The following SYNJ2 variants were observed in gnomAD, a reference collection of about 807,000 sequenced individuals.
SYNJ2 encodes the protein polyphosphatidylinositol phosphatase SYNJ2.
SYNJ2 carries 116 observed loss-of-function variants against 141.3 expected under a neutral mutation model. The observed-to-expected ratio is 0.82, with a 90% confidence interval of 0.71 to 0.96. The LOEUF (loss-of-function observed/expected upper bound fraction) is 0.96, where lower values mean the gene tolerates loss of function less well. Among genes scored for constraint, SYNJ2 ranks in the 40% least tolerant of loss-of-function variants. The pLI, the probability that SYNJ2 is intolerant of heterozygous loss-of-function variation, is 0.00. For missense variants in SYNJ2, 1,873 were observed against 1,934.8 expected (o/e 0.97, Z 0.60); for synonymous variants, 745 against 777.7 (o/e 0.96, Z 0.70).
chr6:158,060,448 C>G (rs370704959), intron 7 of SYNJ2, among the ~76,000 whole-genome samples: 2 of 152,200 alleles, frequency 1.3e-5, no homozygotes, highest in Non-Finnish European at 2.9e-5. Flanking sequence ...AAAACTCTCT[C>G]GTTGTTTAAA....
In SYNJ2 at chr6:158,070,432, G is replaced by A; in HGVS notation, c.1940+759G>A. 1 of 985,482 alleles carries A rather than the reference G, an allele frequency of 1.0e-6. No homozygotes were observed. Among genetic ancestry groups the A allele is most frequent in the Non-Finnish European group, 1.2e-6 (1 of 829,986 alleles). 61.0% of individuals were successfully genotyped at this position (985,482 alleles called of 1,614,324 possible). The stretch of plus-strand genomic sequence containing the variant: ...CCATAATCCTCTTCTCTGACTTTCA[G>A]AAGATGTTTAGGTCCCTGTCCCTCT... On this transcript the variant is annotated intron_variant, in intron 14 of 26. Transcript: ENST00000355585. This position sits in a 1 kb window ranked among gnomAD's most constrained non-coding sequence, Gnocchi z 4.0.
chr6:158,067,425 A>G lies in SYNJ2; in HGVS notation c.1717+790A>G, dbSNP rs147220864. 239 of 984,414 alleles carry G rather than the reference A, an allele frequency of 2.4e-4. No homozygotes were observed. The African/African-American group carries it at 4.0e-3, about 17-fold the overall frequency. The allele number at this position is 984,414 out of a possible 1,614,324, so 61.0% of individuals were successfully genotyped here. On this transcript the variant is annotated intron_variant, in intron 12 of 26. Transcript: ENST00000355585. Reference sequence around the variant, plus strand: ...TCACAAAATAATTCATGTGCTATTTAGGAATAAAATAATTCCAAATGTTGA... The same window carrying G: ...TCACAAAATAATTCATGTGCTATTTGGGAATAAAATAATTCCAAATGTTGA...
Position 158,071,503 on chromosome 6 carries a change from C to G in SYNJ2, c.1941-99C>G. ...GCTGATGATTTTGGAGCACTCAGAG[C>G]AGCAGGTCCCGAGCTGCTGCTGGGC... On this transcript the variant is annotated intron_variant, in intron 14 of 26. Coordinates refer to ENST00000355585, the MANE Select transcript of SYNJ2 (RefSeq NM_003898.4). This position sits in a 1 kb window ranked among gnomAD's most constrained non-coding sequence, Gnocchi z 4.3. The G allele has an allele frequency of 7.2e-7, 1 of 1,379,522 alleles. No homozygotes were observed. Among genetic ancestry groups the G allele is most frequent in the Non-Finnish European group, 9.9e-7 (1 of 1,013,958 alleles). The allele number at this position is 1,379,522 out of a possible 1,614,324, so 85.5% of individuals were successfully genotyped here.
chr6:158,001,161 TTGTGTTGCTGAA>T (rs1209014396), intron 1 of SYNJ2: 4 of 152,412 alleles, frequency 2.6e-5, no homozygotes, highest in Non-Finnish European at 4.4e-5. Flanking sequence ...CTGCATGCAC[TTGTGTTGCTGAA>T]TGTGGCCGGA....
intron 7 of SYNJ2, among the ~76,000 whole-genome samples, chr6:158,061,425 T>A (rs554886428): frequency 6.6e-6 from 1 of 152,204 alleles, no homozygotes; most frequent in Non-Finnish European, 1.5e-5. Context: ...CTGCTTCCCA[T>A]CTCTCCCCAC....
At chr6:158,036,217 C>T (rs191131113) in intron 4 of SYNJ2, among the ~76,000 whole-genome samples, 1 of 152,164 alleles carries the variant, frequency 6.6e-6, no homozygotes, top group African/African-American at 2.4e-5. Context: ...GTTAAAAAGT[C>T]GAAAAATAAC....
intron 22 of SYNJ2, among the ~76,000 whole-genome samples, chr6:158,085,586 T>A (rs1782982129): frequency 1.3e-5 from 2 of 152,228 alleles, no homozygotes; most frequent in Non-Finnish European, 2.9e-5. Flanking sequence ...GAGGGTACTT[T>A]GCCAGGAGAG....
chr6:158,010,919 A>G (rs1423909476), intron 1 of SYNJ2, among the ~76,000 whole-genome samples: 1 of 146,860 alleles, frequency 6.8e-6, no homozygotes, highest in East Asian at 2.0e-4. Flanking sequence ...TCGTGATGAC[A>G]GGGGACACAT....
Position 158,098,812 on chromosome 6 carries a change from A to G in SYNJ2, c.*2448A>G, listed in dbSNP as rs1317756887. On this transcript the variant is annotated 3_prime_UTR_variant, in exon 27 of 27. Transcript: ENST00000355585. ...GACTGGTTTAGGTACTTCACAACTC[A>G]CCATTGTCTCTCTGACCCCAAGCCT... is the stretch of plus-strand genomic sequence containing the variant. The G allele has an allele frequency of 6.6e-6, 1 of 152,166 alleles. No individual in the cohort carries two copies. The highest frequency in any genetic ancestry group is 1.5e-5 in the Non-Finnish European group (1 of 68,042). 9.4% of individuals were successfully genotyped at this position (152,166 alleles called of 1,614,324 possible).
chr6:158,065,559 T>A (rs539803808), intron 11 of SYNJ2, among the ~76,000 whole-genome samples: 1 of 152,330 alleles, frequency 6.6e-6, no homozygotes, highest in African/African-American at 2.4e-5. Flanking sequence ...TGTAAACATA[T>A]TAGGTCTCAT....
chr6:158,038,518 G>A (rs1247193032), intron 4 of SYNJ2, among the ~76,000 whole-genome samples: 1 of 152,226 alleles, frequency 6.6e-6, no homozygotes, highest in African/African-American at 2.4e-5. Context: ...TTCAGGCTGT[G>A]CTGATGAGCC....
rs184469875 is a variant in SYNJ2, at chr6:157,999,411, G to A, written c.127+17323G>A. On this transcript the variant is annotated intron_variant, in intron 1 of 26. Coordinates refer to ENST00000355585, the MANE Select transcript of SYNJ2 (RefSeq NM_003898.4). ...GCACCTGTCTCCCTCCCCTTAGCCT[G>A]CTGACCTTTTTCCCATGGGATGTTT... 1.6e-4 allele frequency among the ~76,000 whole-genome samples: 24 copies of A among 152,350 alleles called. No individual in the cohort carries two copies. In the East Asian group the frequency reaches 4.6e-3, roughly 29 times the overall value.
intron 6 of SYNJ2, among the ~76,000 whole-genome samples, chr6:158,056,101 A>C (rs763629593): frequency 2.0e-5 from 3 of 152,234 alleles, no homozygotes; most frequent in Non-Finnish European, 4.4e-5. Context: ...CAAACAAAAA[A>C]CAAAAATATT....
intron 26 of SYNJ2, among the ~76,000 whole-genome samples, chr6:158,093,733 G>A (rs930930773): frequency 1.3e-5 from 2 of 152,164 alleles, no homozygotes; most frequent in African/African-American, 4.8e-5. Context: ...ACATGTTCTG[G>A]TACCGCCCAT....
rs148171158 is a variant in SYNJ2 at position 158,033,644 on chromosome 6, C to T, written c.675C>T (p.Asp225=). The change falls in exon 4 of 27, where the codon GAC becomes GAT. Residue 225 remains aspartate (D), a synonymous_variant. Coordinates refer to ENST00000355585, the MANE Select transcript of SYNJ2 (RefSeq NM_003898.4). ...GTRFHTRGVN[D]DGHVSNFVET... is the part of the protein sequence containing the mutation. ...GCTTCCACACCCGTGGCGTGAACGA[C>T]GACGGCCATGTGTCCAACTTCGTGG... 37 of 1,611,938 alleles carry T rather than the reference C, an allele frequency of 2.3e-5. No homozygotes were observed. Among genetic ancestry groups the T allele is most frequent in the East Asian group, 1.1e-4 (5 of 44,882 alleles).
intron 4 of SYNJ2, among the ~76,000 whole-genome samples, chr6:158,041,190 C>T (rs767055906): frequency 1.3e-5 from 2 of 152,094 alleles, no homozygotes; most frequent in African/African-American, 4.8e-5. Flanking sequence ...CCAGGGCCAC[C>T]CTGCTGGGCA....
chr6:158,093,425 G>A, intron 26 of SYNJ2, among the ~76,000 whole-genome samples: 1 of 140,410 alleles, frequency 7.1e-6, no homozygotes, highest in Admixed American at 7.7e-5. Flanking sequence ...AGCAGAGTGA[G>A]ACTCCACCTC....
chr6:158,077,869 A>G, intron 17 of SYNJ2: 1 of 216,284 alleles, frequency 4.6e-6, no homozygotes, highest in East Asian at 1.2e-4. Context: ...ACCTTCTGGG[A>G]TTCCTGGGTC....
intron 1 of SYNJ2, among the ~76,000 whole-genome samples, chr6:157,995,732 C>A (rs1328830071): frequency 1.3e-5 from 2 of 152,152 alleles, no homozygotes; most frequent in Non-Finnish European, 2.9e-5. Flanking sequence ...CTCCGTGAGC[C>A]GGGTGACAAG....
Sources: allele counts gnomAD v4.1 joint callset (sites outside exome capture counted in the v4.1 genomes callset), GRCh38; gene constraint gnomAD v4.1.1; non-coding constraint Gnocchi (gnomAD v3.1); transcripts MANE v1.5; gene names NCBI Gene and HGNC (gene_info 2026-07-23, HGNC 2026-07-21).